The following SPATA16 variants were observed in gnomAD, a reference collection of about 807,000 sequenced individuals.
SPATA16 encodes spermatogenesis associated 16.
Under a neutral mutation model 63.3 loss-of-function variants are expected in SPATA16, and 36 were observed. The observed-to-expected ratio is 0.57, with a 90% CI of 0.44 to 0.75. The LOEUF (loss-of-function observed/expected upper bound fraction) is 0.75. SPATA16 is among the 30% of genes least tolerant of loss of function. The pLI is 0.00. For missense variants in SPATA16, 646 were observed against 679.3 expected (o/e 0.95, Z 0.54); for synonymous variants, 203 against 216.7 (o/e 0.94, Z 0.56).
At chr3:173,031,074 G>A (rs140171128) in intron 3 of SPATA16, among the ~76,000 whole-genome samples, 12 of 152,132 alleles carry the variant, frequency 7.9e-5, no homozygotes, top group African/African-American at 2.2e-4. Context: ...CAGGGGACAG[G>A]AGGAAAGGGG....
intron 2 of SPATA16, among the ~76,000 whole-genome samples, chr3:173,080,103 A>G (rs1181782782): frequency 6.6e-6 from 1 of 152,184 alleles, no homozygotes; most frequent in African/African-American, 2.4e-5. Flanking sequence ...CTTCTTGATT[A>G]CTCAGTGTGT....
chr3:173,027,570 AT>A (rs1553794715), intron 3 of SPATA16, among the ~76,000 whole-genome samples: 2 of 151,204 alleles, frequency 1.3e-5, no homozygotes, highest in Non-Finnish European at 3.0e-5. Flanking sequence ...TCTCTGTCCC[AT>A]TCCTCTCTCT....
At chr3:173,044,421 C>G (rs1335583549) in intron 3 of SPATA16, among the ~76,000 whole-genome samples, 1 of 152,108 alleles carries the variant, frequency 6.6e-6, no homozygotes, top group African/African-American at 2.4e-5. Flanking sequence ...ATATTTTATT[C>G]ATCTATGCTA....
At chr3:173,017,635 C>T (rs947318702) in intron 4 of SPATA16, among the ~76,000 whole-genome samples, 1 of 152,110 alleles carries the variant, frequency 6.6e-6, no homozygotes, top group African/African-American at 2.4e-5. Context: ...TAGCTCGCTC[C>T]GAATTCCTGA....
chr3:172,906,553 C>A (rs964668783), intron 10 of SPATA16, among the ~76,000 whole-genome samples: 2 of 135,852 alleles, frequency 1.5e-5, no homozygotes, highest in Non-Finnish European at 3.2e-5. Flanking sequence ...ATTCCCCACT[C>A]GGCCTCACAC....
At chr3:173,013,120 C>T (rs566855447) in intron 4 of SPATA16, among the ~76,000 whole-genome samples, 42 of 152,202 alleles carry the variant, frequency 2.8e-4, no homozygotes, top group Admixed American at 2.4e-3. Context: ...CATGAACAGA[C>T]ACTTCTCAAA....
intron 2 of SPATA16, among the ~76,000 whole-genome samples, chr3:173,105,400 C>T (rs1737596102): frequency 6.6e-6 from 1 of 152,190 alleles, no homozygotes; most frequent in Non-Finnish European, 1.5e-5. Flanking sequence ...ATTCTTTACT[C>T]TTACTGCTAC....
At chr3:172,961,732 G>C (rs1260955975) in intron 5 of SPATA16, among the ~76,000 whole-genome samples, 1 of 152,114 alleles carries the variant, frequency 6.6e-6, no homozygotes, top group Non-Finnish European at 1.5e-5. Flanking sequence ...AAATTCTATA[G>C]AATTTAGAAT....
At chr3:172,915,482 G>A (rs1417525550) in intron 9 of SPATA16, among the ~76,000 whole-genome samples, 1 of 151,976 alleles carries the variant, frequency 6.6e-6, no homozygotes, top group Non-Finnish European at 1.5e-5. Flanking sequence ...TCAATTCAGG[G>A]CTATAATTAG....
chr3:173,058,315 A>C (rs992947701), intron 2 of SPATA16, among the ~76,000 whole-genome samples: 1 of 152,196 alleles, frequency 6.6e-6, no homozygotes, highest in African/African-American at 2.4e-5. Context: ...GAAAATTCTC[A>C]GTATCATACA....
chr3:172,916,632 G>T, intron 8 of SPATA16, 151 bp from the exon 9 acceptor site: 2 of 883,586 alleles, frequency 2.3e-6, no homozygotes, highest in South Asian at 1.5e-5. Flanking sequence ...CCATTTTACA[G>T]AATTGTCTTA....
intron 4 of SPATA16, among the ~76,000 whole-genome samples, chr3:173,000,084 A>G (rs1734781433): frequency 6.6e-6 from 1 of 152,210 alleles, no homozygotes; most frequent in South Asian, 2.1e-4. Flanking sequence ...CTTTTGGGAA[A>G]TGATTAAGTC....
chr3:173,066,309 T>G (rs6800002), intron 2 of SPATA16, among the ~76,000 whole-genome samples: 35,089 of 151,974 alleles, frequency 0.23, 5,394 homozygotes, highest in African/African-American at 0.44. Flanking sequence ...ATAAACATCA[T>G]CAGCAGCCAG....
In SPATA16 at chr3:173,117,150, C is replaced by T. The variant is rs1451915525; in HGVS notation, c.582G>A (p.Leu194=). ...GTGCTGTTCTGAACTGTCCTGCTGC[C>T]AAGGCGTATTTCTTTTGTCTATAGC... ...SSCYRQKKYA[L]AAGQFRTALE... Residue 194 remains leucine (L), a synonymous_variant, in exon 2 of 11, where the codon TTG becomes TTA. Coordinates refer to ENST00000351008, the MANE Select transcript of SPATA16 (RefSeq NM_031955.6). 1.1e-5 allele frequency: 17 copies of T among 1,614,018 alleles called. No homozygotes were observed. The highest frequency in any genetic ancestry group is 1.4e-5 in the Non-Finnish European group (17 of 1,179,958).
chr3:172,956,208 T>C (rs921062096), intron 6 of SPATA16, among the ~76,000 whole-genome samples: 1 of 152,120 alleles, frequency 6.6e-6, no homozygotes, highest in South Asian at 2.1e-4. Flanking sequence ...TCTATGGGAC[T>C]CTTAGCTATC....
At chr3:172,909,530 T>C (rs1293212835) in intron 10 of SPATA16, among the ~76,000 whole-genome samples, 2 of 152,132 alleles carry the variant, frequency 1.3e-5, no homozygotes, top group African/African-American at 2.4e-5. Context: ...TAAAGCCCAA[T>C]TCACATAGAG....
chr3:172,953,015 C>G (rs1733478784), intron 6 of SPATA16, among the ~76,000 whole-genome samples: 1 of 151,736 alleles, frequency 6.6e-6, no homozygotes, highest in Admixed American at 6.6e-5. Context: ...TGACAACAAC[C>G]TCTATTCCCA....
At chr3:173,118,239 T>C (rs999322803) in intron 1 of SPATA16, among the ~76,000 whole-genome samples, 4 of 152,210 alleles carry the variant, frequency 2.6e-5, no homozygotes, top group African/African-American at 9.6e-5. Context: ...GTGAGCACAA[T>C]CTTTCCTAAA....
intron 1 of SPATA16, among the ~76,000 whole-genome samples, chr3:173,140,411 C>T (rs2673502): frequency 8.7e-4 from 132 of 152,304 alleles, no homozygotes; most frequent in Non-Finnish European, 1.5e-3. Flanking sequence ...TAATTGCTCA[C>T]GCTGAACAAC....
Sources: allele counts gnomAD v4.1 joint callset (sites outside exome capture counted in the v4.1 genomes callset), GRCh38; gene constraint gnomAD v4.1.1; transcripts MANE v1.5; gene names NCBI Gene and HGNC (gene_info 2026-07-23, HGNC 2026-07-21).